The following ST8SIA5 variants were observed in gnomAD, a reference collection of about 807,000 sequenced individuals.
The protein encoded by ST8SIA5 is alpha-2,8-sialyltransferase 8E.
ST8SIA5 carries 24 observed loss-of-function variants against 40.2 expected under a neutral mutation model. The observed-to-expected ratio is 0.60, with a 90% CI of 0.43 to 0.84. ST8SIA5 has a LOEUF of 0.84. Among genes scored for constraint, ST8SIA5 ranks in the 40% least tolerant of loss-of-function variants. ST8SIA5 has a pLI of 0.00. For synonymous variants in ST8SIA5, 198 were observed against 201.8 expected (o/e 0.98, Z 0.16); for missense variants, 465 against 498.5 (o/e 0.93, Z 0.64).
intron 3 of ST8SIA5, among the ~76,000 whole-genome samples, chr18:46,690,765 C>A (rs1224187159): frequency 6.6e-6 from 1 of 152,028 alleles, no homozygotes; most frequent in African/African-American, 2.4e-5. Context: ...AGGTGTGCAC[C>A]ACCACACCTG....
chr18:46,733,847 A>G (rs2040008470), intron 1 of ST8SIA5, among the ~76,000 whole-genome samples: 1 of 152,150 alleles, frequency 6.6e-6, no homozygotes, highest in Non-Finnish European at 1.5e-5. Context: ...GCATCAGTTC[A>G]TGGAAGAAAG....
chr18:46,711,481 C>T (rs2144512251), intron 1 of ST8SIA5, among the ~76,000 whole-genome samples: 1 of 152,300 alleles, frequency 6.6e-6, no homozygotes, highest in East Asian at 1.9e-4. Context: ...AACAGTGTCA[C>T]TGCACTTCCT....
chr18:46,752,370 A>C (rs1277878425), intron 1 of ST8SIA5, among the ~76,000 whole-genome samples: 1 of 152,174 alleles, frequency 6.6e-6, no homozygotes, highest in African/African-American at 2.4e-5. Context: ...TTGTATCCCT[A>C]GCACTTAAAG....
chr18:46,700,701 G>A (rs1316652979), intron 2 of ST8SIA5, among the ~76,000 whole-genome samples: 1 of 152,160 alleles, frequency 6.6e-6, no homozygotes, highest in African/African-American at 2.4e-5. Context: ...TCAGCCAGGG[G>A]CCCCAGCTAG....
rs781238196 is a variant in ST8SIA5, at chr18:46,686,271, G to T, written c.472C>A (p.Arg158=). 6.2e-7 allele frequency: 1 copy of T among 1,614,088 alleles called. No homozygotes were observed. Among genetic ancestry groups the T allele is most frequent in the Admixed American group, 1.7e-5 (1 of 60,020 alleles). Residue 158 remains arginine (R), a synonymous_variant, in exon 5 of 7, where the codon CGG becomes AGG. Transcript: ENST00000315087. ...RMFPKDMPYY[R]SQFKKCAVVG... ...ACAGCACACTTCTTAAACTGGGACC[G>T]GTAGTAGGGCATGTCCTGGGGGAGG...
chr18:46,699,158 G>A (rs2039585942), intron 2 of ST8SIA5, among the ~76,000 whole-genome samples: 1 of 152,200 alleles, frequency 6.6e-6, no homozygotes, highest in Admixed American at 6.5e-5. Context: ...ATAGGCTGGA[G>A]GGGGAACTGC....
chr18:46,723,723 C>T (rs966016400), intron 1 of ST8SIA5, among the ~76,000 whole-genome samples: 6 of 151,700 alleles, frequency 4.0e-5, no homozygotes, highest in Admixed American at 1.3e-4. Flanking sequence ...GCCAGGAGTT[C>T]GAGACCAGCC....
At chr18:46,711,676 T>C (rs778658015) in intron 1 of ST8SIA5, among the ~76,000 whole-genome samples, 24 of 152,216 alleles carry the variant, frequency 1.6e-4, no homozygotes, top group Admixed American at 8.5e-4. Flanking sequence ...AATTGCAGCC[T>C]GACAATTCAA....
chr18:46,708,779 A>G (rs1394707506), intron 1 of ST8SIA5, among the ~76,000 whole-genome samples: 1 of 152,042 alleles, frequency 6.6e-6, no homozygotes, highest in African/African-American at 2.4e-5. Context: ...CTCCTTACTG[A>G]TCTGGGTGCT....
chr18:46,750,004 C>G (rs1357556057), intron 1 of ST8SIA5, among the ~76,000 whole-genome samples: 1 of 152,202 alleles, frequency 6.6e-6, no homozygotes, highest in East Asian at 1.9e-4. Context: ...TCACCTTGAT[C>G]TTGAACTTTC....
At chr18:46,755,866 A>G (rs2040238792) in intron 1 of ST8SIA5, among the ~76,000 whole-genome samples, 1 of 152,164 alleles carries the variant, frequency 6.6e-6, no homozygotes, top group African/African-American at 2.4e-5. Flanking sequence ...TCGCATAGCC[A>G]CAGCCCACAC....
At chr18:46,695,255 A>T (rs1300862033) in intron 2 of ST8SIA5, among the ~76,000 whole-genome samples, 33 of 152,152 alleles carry the variant, frequency 2.2e-4, no homozygotes, top group Admixed American at 1.9e-3. Context: ...GTCCTCAAAC[A>T]AGGCAAGCCT....
chr18:46,746,066 T>G (rs62097209), intron 1 of ST8SIA5, among the ~76,000 whole-genome samples: 5,331 of 152,226 alleles, frequency 0.035, 149 homozygotes, highest in East Asian at 0.12. Flanking sequence ...GGAACGTATC[T>G]CAAAATAATA....
intron 1 of ST8SIA5, among the ~76,000 whole-genome samples, chr18:46,727,114 C>A (rs1367147896): frequency 3.3e-5 from 5 of 152,174 alleles, no homozygotes; most frequent in Admixed American, 6.5e-5. Context: ...ATTATGTAAA[C>A]TGATTTATTC....
chr18:46,707,543 A>G (rs1220947214), intron 1 of ST8SIA5, among the ~76,000 whole-genome samples: 3 of 152,182 alleles, frequency 2.0e-5, no homozygotes, highest in African/African-American at 7.2e-5. Context: ...ACTAGGCAGC[A>G]TCATGATTCC....
At position 46,756,765 on chromosome 18, in the gene ST8SIA5, G is replaced by C. The variant is rs963402822; in HGVS notation, c.-257C>G. 1 of 433,238 alleles carries C rather than the reference G, an allele frequency of 2.3e-6. No individual in the cohort carries two copies. The highest frequency in any genetic ancestry group is 4.0e-6 in the Non-Finnish European group (1 of 247,766). The allele number at this position is 433,238 out of a possible 1,614,324, so 26.8% of individuals were successfully genotyped here. A position where few individuals can be genotyped will look rare whatever the true frequency, so the allele number is the denominator to read the frequency against. ...GCGGCCAGGGGCCTTCCCCACCCCC[G>C]GGTACCTTTACCTCCAGGCGCCGGT... is the stretch of plus-strand genomic sequence containing the variant. On this transcript the variant is annotated 5_prime_UTR_variant, in exon 1 of 7. Transcript: ENST00000315087.
In ST8SIA5 at chr18:46,756,530, G is replaced by T; in HGVS notation, c.-22C>A. The T allele has an allele frequency of 1.9e-6, 3 of 1,611,176 alleles. No homozygotes were observed. The highest frequency in any genetic ancestry group is 1.7e-6 in the Non-Finnish European group (2 of 1,178,362). On this transcript the variant is annotated 5_prime_UTR_variant, in exon 1 of 7. Transcript: ENST00000315087. ...GCATCCTGGCTACCGGGCGCCGCGG[G>T]CGCGGGGTACGGGGCGGCCAGGCAA...
At chr18:46,746,564 A>G (rs2040142706) in intron 1 of ST8SIA5, among the ~76,000 whole-genome samples, 1 of 152,212 alleles carries the variant, frequency 6.6e-6, no homozygotes, top group Non-Finnish European at 1.5e-5. Context: ...AGTGAAATAA[A>G]AGAGGACACA....
At chr18:46,685,282 G>A (rs2039434930) in intron 5 of ST8SIA5, among the ~76,000 whole-genome samples, 1 of 152,186 alleles carries the variant, frequency 6.6e-6, no homozygotes. Flanking sequence ...TGGCAGGAAT[G>A]TGGCTGGGCT....
Sources: gnomAD v4.1 joint callset for allele counts (sites outside exome capture counted in the v4.1 genomes callset) on GRCh38, gnomAD v4.1.1 for gene constraint, MANE v1.5 for transcripts, NCBI Gene and HGNC (gene_info 2026-07-23, HGNC 2026-07-21) for gene names.